The following HAUS2 variants were observed in gnomAD, a reference collection of about 807,000 sequenced individuals.
HAUS2 encodes the protein HAUS augmin like complex subunit 2.
Under a neutral mutation model 21.6 loss-of-function variants are expected in HAUS2, and 20 were observed. The observed-to-expected ratio is 0.93, with a 90% CI of 0.65 to 1.35. The LOEUF (loss-of-function observed/expected upper bound fraction) is 1.35. Ranked by LOEUF, HAUS2 falls within the 40% of genes most tolerant of loss-of-function variation. The probability of loss-of-function intolerance (pLI) is 0.00; values close to 1 mark genes in which losing one functional copy is unlikely to be tolerated. For synonymous variants in HAUS2, 113 were observed against 95.6 expected, an observed-to-expected ratio of 1.18 and a Z score of -1.06; for missense variants, 297 against 280.7, an observed-to-expected ratio of 1.06 and a Z score of -0.42.
rs2057919527 is a variant in HAUS2 at position 42,567,676 on chromosome 15, C to T, written c.*860C>T. 6.6e-6 allele frequency: 1 copy of T among 152,132 alleles called. No homozygotes were observed. Among genetic ancestry groups the T allele is most frequent in the South Asian group, 2.1e-4 (1 of 4,828 alleles). 9.4% of individuals were successfully genotyped at this position (152,132 alleles called of 1,614,324 possible). A position where few individuals can be genotyped will look rare whatever the true frequency, so the allele number is the denominator to read the frequency against. On this transcript the variant is annotated 3_prime_UTR_variant, in exon 6 of 6. Transcript: ENST00000260372. Reference sequence around the variant, plus strand: ...TTGACAACATGGTGAAACCCCATCTCTGGTAGAAATATAAAAAATTAACCG... The same window carrying T: ...TTGACAACATGGTGAAACCCCATCTTTGGTAGAAATATAAAAAATTAACCG...
In HAUS2 at chr15:42,563,818, T is replaced by C; in HGVS notation, c.459T>C (p.Ile153=). The C allele has an allele frequency of 6.4e-7, 1 of 1,564,468 alleles. No homozygotes were observed. Among genetic ancestry groups the C allele is most frequent in the Non-Finnish European group, 8.8e-7 (1 of 1,141,448 alleles). The change falls in exon 5 of 6, where the codon ATT becomes ATC. Residue 153 remains isoleucine (I), a synonymous_variant. Coordinates refer to ENST00000260372, the MANE Select transcript of HAUS2 (RefSeq NM_018097.3). ...GATTAGAAACCCACCTTGAAACAAT[T>C]AGAAATATTCCTCATTTAGCTGCAA... ...IERLETHLET[I]RNIPHLAANL...
At chr15:42,560,966 T>C in intron 3 of HAUS2, 1 of 618,132 alleles carries the variant, frequency 1.6e-6, no homozygotes. Context: ...GTGTTAAGAA[T>C]ATAGCTCTGG....
intron 5 of HAUS2, among the ~76,000 whole-genome samples, chr15:42,565,908 A>G (rs1463234807): frequency 6.6e-6 from 1 of 152,194 alleles, no homozygotes; most frequent in Non-Finnish European, 1.5e-5. Flanking sequence ...TGGGTTAAAG[A>G]AGTTAGTAAG....
chr15:42,556,360 C>A (rs2057775008), intron 1 of HAUS2, among the ~76,000 whole-genome samples: 1 of 140,550 alleles, frequency 7.1e-6, no homozygotes, highest in South Asian at 2.3e-4. Context: ...GTCTCCTAAG[C>A]TCAAGCAATT....
At chr15:42,560,794 G>C (rs181354528) in intron 3 of HAUS2, 109 of 701,854 alleles carry the variant, frequency 1.6e-4, no homozygotes, top group East Asian at 1.4e-3. Context: ...ATGAAGTCTT[G>C]CTATGTTGCC....
intron 1 of HAUS2, among the ~76,000 whole-genome samples, chr15:42,549,427 T>TTTTTA (rs954056926): frequency 1.4e-5 from 2 of 138,752 alleles, no homozygotes; most frequent in Admixed American, 6.8e-5. Flanking sequence ...TTTTTTGACA[T>TTTTTA]TTTTATTTTA....
At chr15:42,561,018 A>G in intron 3 of HAUS2, 1 of 582,882 alleles carries the variant, frequency 1.7e-6, no homozygotes, top group East Asian at 2.8e-5. Flanking sequence ...AAACACAGAG[A>G]AAGAATTTAG....
chr15:42,555,987 C>T (rs1015930429), intron 1 of HAUS2, among the ~76,000 whole-genome samples: 1 of 152,096 alleles, frequency 6.6e-6, no homozygotes, highest in Admixed American at 6.6e-5. Flanking sequence ...CGCTCTGTCA[C>T]CCAGGCTGGA....
At chr15:42,564,601 CAGTT>C (rs2057887632) in intron 5 of HAUS2, among the ~76,000 whole-genome samples, 1 of 152,110 alleles carries the variant, frequency 6.6e-6, no homozygotes, top group Non-Finnish European at 1.5e-5. Flanking sequence ...GAATTACTTC[CAGTT>C]TAGGAGGATT....
intron 2 of HAUS2, among the ~76,000 whole-genome samples, 161 bp downstream of exon 2, chr15:42,558,451 A>G (rs573337295): frequency 6.7e-6 from 1 of 149,664 alleles, no homozygotes; most frequent in South Asian, 2.1e-4. Flanking sequence ...CCTCAGCCTC[A>G]TGAGTAGGTG....
intron 1 of HAUS2, among the ~76,000 whole-genome samples, chr15:42,557,274 C>T (rs898037169): frequency 2.4e-5 from 3 of 127,074 alleles, no homozygotes; most frequent in African/African-American, 9.0e-5. Flanking sequence ...CGAGATTGCA[C>T]CACTGCACTC....
At chr15:42,556,448 A>G (rs1238420871) in intron 1 of HAUS2, among the ~76,000 whole-genome samples, 5 of 151,194 alleles carry the variant, frequency 3.3e-5, no homozygotes, top group Non-Finnish European at 5.9e-5. Context: ...TATTTTTAGT[A>G]GAGACGGGGT....
chr15:42,563,528 T>C (rs987850736), intron 4 of HAUS2, among the ~76,000 whole-genome samples: 2 of 152,186 alleles, frequency 1.3e-5, no homozygotes, highest in Non-Finnish European at 2.9e-5. Flanking sequence ...ATTACTGTTG[T>C]CTCTTTCCAT....
rs1444927161 is a variant in HAUS2 at position 42,569,401 on chromosome 15, G to A, written c.*2585G>A. On this transcript the variant is annotated 3_prime_UTR_variant, in exon 6 of 6. Coordinates refer to ENST00000260372, the MANE Select transcript of HAUS2 (RefSeq NM_018097.3). ...ACCTCACTGCAGCCTTGACCTCTCA[G>A]GCTCAAGTGATCCTCCCACCTCAGC... 1.3e-5 allele frequency: 2 copies of A among 151,146 alleles called. No individual in the cohort carries two copies. Among genetic ancestry groups the A allele is most frequent in the African/African-American group, 4.9e-5 (2 of 41,070 alleles). The allele number at this position is 151,146 out of a possible 1,614,324, so 9.4% of individuals were successfully genotyped here.
rs576504601 is a variant in HAUS2, at chr15:42,562,020, A to T, written c.389+618A>T. Among the ~76,000 whole-genome samples the T allele has an allele frequency of 8.7e-4, 132 of 152,264 alleles. 1 individual carries two copies. The highest frequency in any genetic ancestry group is 3.0e-3 in the African/African-American group (126 of 41,540). ...GGCAAAACCCTGTTTCTACAAAAAA[A>T]AAAAATATAAAAATTAGCAACACAT... is the stretch of plus-strand genomic sequence containing the variant. On this transcript the variant is annotated intron_variant, in intron 4 of 5. Transcript: ENST00000260372.
At chr15:42,554,916 C>A (rs1208673925) in intron 1 of HAUS2, among the ~76,000 whole-genome samples, 1 of 152,010 alleles carries the variant, frequency 6.6e-6, no homozygotes, top group Non-Finnish European at 1.5e-5. Context: ...CAGCCTCAAT[C>A]TCCCAGGCTC....
Position 42,566,617 on chromosome 15 carries a change from TAGCAAA to T in HAUS2, c.510_515del (p.Ala171_Lys172del). ...TTTCAAATGTTACAGAACCAGGCTT[TAGCAAA>T]GATGGATATATTGGTGACTGAGACA... On this transcript the variant is annotated inframe_deletion, in exon 6 of 6. Transcript: ENST00000260372. The T allele has an allele frequency of 1.3e-6, 2 of 1,581,970 alleles. No homozygotes were observed. Among genetic ancestry groups the T allele is most frequent in the Non-Finnish European group, 1.7e-6 (2 of 1,150,862 alleles).
At chr15:42,549,695 C>A (rs2057700565) in intron 1 of HAUS2, among the ~76,000 whole-genome samples, 1 of 149,950 alleles carries the variant, frequency 6.7e-6, no homozygotes, top group Non-Finnish European at 1.5e-5. Context: ...GTGATCCACC[C>A]GCCTCGGCCT....
In HAUS2 at chr15:42,566,613, G is replaced by C. The variant is rs752057798; in HGVS notation, c.505G>C (p.Ala169Pro). 1 of 1,571,036 alleles carries C rather than the reference G, an allele frequency of 6.4e-7. No individual in the cohort carries two copies. Among genetic ancestry groups the C allele is most frequent in the Non-Finnish European group, 8.8e-7 (1 of 1,140,984 alleles). Residue 169 changes from alanine (A) to proline (P), a missense_variant, in exon 6 of 6, where the codon GCT becomes CCT. Physicochemically the swap from Ala to Pro is conservative, Grantham distance 27. Transcript: ENST00000260372. ...CCCTTTTCAAATGTTACAGAACCAG[G>C]CTTTAGCAAAGATGGATATATTGGT... ...LAANLKKMNQ[A>P]LAKMDILVTE...
Sources: gnomAD v4.1 joint callset for allele counts (sites outside exome capture counted in the v4.1 genomes callset) on GRCh38, gnomAD v4.1.1 for gene constraint, MANE v1.5 for transcripts, NCBI Gene and HGNC (gene_info 2026-07-23, HGNC 2026-07-21) for gene names.